Variants in POLRMT observed in about 807,000 individuals in gnomAD.
POLRMT encodes the protein DNA-directed RNA polymerase, mitochondrial.
POLRMT carries 114 observed loss-of-function variants against 132.2 expected under a neutral mutation model. The ratio of observed to expected loss-of-function variants is 0.86; its 90% CI spans 0.74 to 1.01. POLRMT has a LOEUF of 1.01. Ranked by LOEUF, POLRMT falls within the 50% of genes least tolerant of loss-of-function variation. POLRMT has a pLI of 0.00. For synonymous variants in POLRMT, 1,020 were observed against 773.4 expected (o/e 1.32, Z -5.29); for missense variants, 2,003 against 1,729.1 (o/e 1.16, Z -2.81).
At chr19:628,150 G>A (rs1463029283) in intron 3 of POLRMT, among the ~76,000 whole-genome samples, 2 of 152,192 alleles carry the variant, frequency 1.3e-5, no homozygotes, top group African/African-American at 2.4e-5. Flanking sequence ...AGAGCCTCTG[G>A]AGAGACTTCG....
chr19:630,299 A>C, intron 2 of POLRMT, 131 bp from the exon 3 acceptor site: 1 of 1,084,520 alleles, frequency 9.2e-7, no homozygotes, highest in Non-Finnish European at 1.3e-6. Context: ...TGAATTCCTC[A>C]TACTTGCCAA....
At chr19:621,958 GGCCTCCCACGAACAGAA>G in intron 9 of POLRMT, 112 bp from the exon 10 acceptor site, 1 of 1,340,912 alleles carries the variant, frequency 7.5e-7, no homozygotes, top group Non-Finnish European at 1.0e-6. Flanking sequence ...AAACCAGTGT[GGCCTCCCACGAACAGAA>G]GCCACCTCCA....
intron 5 of POLRMT, among the ~76,000 whole-genome samples, chr19:624,487 C>T (rs889436340): frequency 6.6e-6 from 1 of 152,174 alleles, no homozygotes; most frequent in Non-Finnish European, 1.5e-5. Context: ...TGTCACCCCA[C>T]CCTCTCTCTG....
Position 629,956 on chromosome 19 carries a change from G to C in POLRMT, c.406C>G (p.Arg136Gly), listed in dbSNP as rs371453888. 3.1e-6 allele frequency: 5 copies of C among 1,613,784 alleles called. No individual in the cohort carries two copies. The highest frequency in any genetic ancestry group is 4.2e-6 in the Non-Finnish European group (5 of 1,180,030). ...AGCTTCGCCTTCAACCGCTGCATAC[G>C]CATCTGCTGGGTCCGCTTATCCTTC... ...LEKDKRTQQM[R>G]MQRLKAKLQM... Residue 136 changes from arginine to glycine, a missense_variant, in exon 3 of 21, where the codon CGT becomes GGT. Arg to Gly is a moderately radical substitution (Grantham distance 125, BLOSUM62 -2). Coordinates refer to ENST00000588649, the MANE Select transcript of POLRMT (RefSeq NM_005035.4).
rs1162948227 is a variant in POLRMT, at chr19:621,524, C to T, written c.2174G>A (p.Gly725Asp). Reference sequence around the variant, plus strand: ...GGCCGGCACGCCTAGCTGGGGGCAGCCCTTGGCCTGGAAGAGCTGCAGCAC... The same window carrying T: ...GGCCGGCACGCCTAGCTGGGGGCAGTCCTTGGCCTGGAAGAGCTGCAGCAC... The part of the protein sequence containing the change: ...DLVLQLFQAK[G>D]CPQLGVPAPP... Residue 725 changes from glycine (G) to aspartate (D), a missense_variant, in exon 10 of 21, where the codon GGC becomes GAC. Gly to Asp is a moderately conservative substitution (Grantham distance 94). Transcript: ENST00000588649. 9 of 1,397,294 alleles carry T rather than the reference C, an allele frequency of 6.4e-6. No homozygotes were observed. The highest frequency in any genetic ancestry group is 1.6e-5 in the South Asian group (1 of 64,506). The allele number at this position is 1,397,294 out of a possible 1,614,324, so 86.6% of individuals were successfully genotyped here. A position where few individuals can be genotyped will look rare whatever the true frequency, so the allele number is the denominator to read the frequency against.
At chr19:624,935 G>T in intron 4 of POLRMT, 30 bp from the exon 5 acceptor site, 1 of 1,583,672 alleles carries the variant, frequency 6.3e-7, no homozygotes, top group Non-Finnish European at 8.6e-7. Context: ...CTCGAGGGAC[G>T]GGCCAGCCCC....
At chr19:624,162 C>A (rs1984847738) in intron 5 of POLRMT, among the ~76,000 whole-genome samples, 1 of 152,200 alleles carries the variant, frequency 6.6e-6, no homozygotes, top group South Asian at 2.1e-4. Context: ...ACCCAGGTCG[C>A]CTCCCGGAGG....
chr19:625,303 A>G (rs765340764), intron 3 of POLRMT, 49 bp from the exon 4 acceptor site: 8 of 1,608,122 alleles, frequency 5.0e-6, no homozygotes, highest in South Asian at 1.1e-5. Flanking sequence ...CCCAACCTCC[A>G]CATCCTCCCT....
At position 622,878 on chromosome 19, in the gene POLRMT, T is replaced by G; in HGVS notation, c.1398A>C (p.Ser466=). ...CCAGCAGGCACAGGAAGGGGTAAAG[T>G]GAGAACCGGCCCTCGTACACCTCGC... ...LEREVYEGRF[S]LYPFLCLLDE... is the part of the protein sequence containing the mutation. Residue 466 remains serine (S), a synonymous_variant, in exon 7 of 21, where the codon TCA becomes TCC. Coordinates refer to ENST00000588649, the MANE Select transcript of POLRMT (RefSeq NM_005035.4). 1 of 1,609,950 alleles carries G rather than the reference T, an allele frequency of 6.2e-7. No homozygotes were observed. Among genetic ancestry groups the G allele is most frequent in the Non-Finnish European group, 8.5e-7 (1 of 1,178,804 alleles).
chr19:618,572 C>T lies in POLRMT; in HGVS notation c.3338G>A (p.Arg1113His), dbSNP rs762716476. The T allele has an allele frequency of 1.3e-5, 21 of 1,612,882 alleles. No individual in the cohort carries two copies. Among genetic ancestry groups the T allele is most frequent in the South Asian group, 3.3e-5 (3 of 90,996 alleles). The part of the protein sequence containing the change: ...NGDISRKPNT[R>H]KQKNGFPPNF... The stretch of plus-strand genomic sequence containing the variant: ...GGGCGGGAAGCCGTTCTTCTGCTTA[C>T]GTGTGTTGGGCTTTCTGAGGACGGA... Residue 1113 changes from arginine (R) to histidine (H), a missense_variant, in exon 17 of 21, where the codon CGT becomes CAT. Coordinates refer to ENST00000588649, the MANE Select transcript of POLRMT (RefSeq NM_005035.4).
intron 3 of POLRMT, among the ~76,000 whole-genome samples, chr19:628,443 G>A (rs746273224): frequency 8.5e-5 from 13 of 152,190 alleles, no homozygotes; most frequent in Non-Finnish European, 1.9e-4. Context: ...GGACTTCACC[G>A]CAAGACTGGC....
intron 2 of POLRMT, among the ~76,000 whole-genome samples, chr19:632,331 A>C (rs1272707990): frequency 6.6e-6 from 1 of 152,076 alleles, no homozygotes; most frequent in African/African-American, 2.4e-5. Context: ...GCGGGAAGCA[A>C]GCACAGGGAA....
Position 629,620 on chromosome 19 carries a change from C to T in POLRMT, c.742G>A (p.Val248Ile), listed in dbSNP as rs1402010469. 22 of 1,608,126 alleles carry T rather than the reference C, an allele frequency of 1.4e-5. No homozygotes were observed. The highest frequency in any genetic ancestry group is 1.8e-5 in the Non-Finnish European group (21 of 1,178,528). ...CGCTTCTGCCGCTGGCCGTGGTGGA[C>T]GACCAGCAGGTGGTGGGCGAGGGGC... ...QLPLAHHLLV[V>I]HHGQRQKRKL... is the part of the protein sequence containing the mutation. Residue 248 changes from valine to isoleucine, a missense_variant, in exon 3 of 21, where the codon GTC (valine) becomes ATC (isoleucine). Physicochemically the swap from Val to Ile is conservative, Grantham distance 29. Transcript: ENST00000588649.
intron 10 of POLRMT, 40 bp downstream of exon 10, chr19:621,018 G>GGC (rs1984524952): frequency 9.4e-7 from 1 of 1,062,722 alleles, no homozygotes; most frequent in African/African-American, 3.2e-5. Context: ...AGGGCGCGGG[G>GGC]GTGCCGGGAG....
At chr19:622,447 C>CCCCA (rs1984689825) in intron 8 of POLRMT, 74 bp from the exon 9 acceptor site, 1 of 1,462,658 alleles carries the variant, frequency 6.8e-7, no homozygotes, top group Non-Finnish European at 9.1e-7. Context: ...GTGCCTGACG[C>CCCCA]CCGGTGGGGC....
intron 4 of POLRMT, 25 bp from the exon 5 acceptor site, chr19:624,930 G>C (rs781410077): frequency 1.3e-6 from 2 of 1,588,780 alleles, no homozygotes; most frequent in African/African-American, 2.7e-5. Context: ...GCCTGCTCGA[G>C]GGACGGGCCA....
chr19:622,526 G>C, intron 8 of POLRMT, 56 bp downstream of exon 8: 1 of 1,527,824 alleles, frequency 6.5e-7, no homozygotes, highest in South Asian at 1.3e-5. Flanking sequence ...TCCAGGGAGG[G>C]AGAGCGCCCA....
At position 621,231 on chromosome 19, in the gene POLRMT, C is replaced by A. The variant is rs1407183287; in HGVS notation, c.2467G>T (p.Ala823Ser). 1 of 1,609,132 alleles carries A rather than the reference C, an allele frequency of 6.2e-7. No individual in the cohort carries two copies. The highest frequency in any genetic ancestry group is 1.3e-5 in the African/African-American group (1 of 74,748). ...FNHLGSDVAR[A>S]LLEFAQGRPL... is the part of the protein sequence containing the mutation. ...CGGCCCTGGGCGAACTCCAGCAGGG[C>A]CCGCGCCACGTCGCTGCCCAGGTGG... Residue 823 changes from alanine (A) to serine (S), a missense_variant, in exon 10 of 21, where the codon GCC (alanine) becomes TCC (serine). Physicochemically the swap from Ala to Ser is moderately conservative, Grantham distance 99. Coordinates refer to ENST00000588649, the MANE Select transcript of POLRMT (RefSeq NM_005035.4).
rs56163887 is a variant in POLRMT at position 618,471 on chromosome 19, C to T, written c.3422+17G>A. 27 of 1,570,866 alleles carry T rather than the reference C, an allele frequency of 1.7e-5. No individual in the cohort carries two copies. Among genetic ancestry groups the T allele is most frequent in the Admixed American group, 3.5e-5 (2 of 57,386 alleles). On this transcript the variant is annotated intron_variant, in intron 17 of 20. Coordinates refer to ENST00000588649, the MANE Select transcript of POLRMT (RefSeq NM_005035.4). ...CCTGGGAGGCGAGCGGCACCCACGCCGTCCGGAGACGCCCACCTGTAGCAG... is the reference window on the plus strand; with the variant it reads ...CCTGGGAGGCGAGCGGCACCCACGCTGTCCGGAGACGCCCACCTGTAGCAG...
Sources: gnomAD v4.1 joint callset for allele counts (sites outside exome capture counted in the v4.1 genomes callset) on GRCh38, gnomAD v4.1.1 for gene constraint, MANE v1.5 for transcripts, NCBI Gene and HGNC (gene_info 2026-07-23, HGNC 2026-07-21) for gene names.